The following CALN1 variants were observed in gnomAD, a reference collection of about 807,000 sequenced individuals.
CALN1 encodes calcium-binding protein 8.
CALN1 carries 17 observed loss-of-function variants against 30.6 expected under a neutral mutation model. The observed-to-expected ratio is 0.56, with a 90% CI of 0.38 to 0.83. CALN1 has a LOEUF of 0.83. CALN1 is among the 40% of genes least tolerant of loss of function. The pLI is 0.00. For missense variants in CALN1, 291 were observed against 354.9 expected, an observed-to-expected ratio of 0.82 and a Z score of 1.45; for synonymous variants, 156 against 131.4, an observed-to-expected ratio of 1.19 and a Z score of -1.28.
chr7:72,075,479 T>A (rs1387617532), intron 4 of CALN1, among the ~76,000 whole-genome samples: 1 of 152,238 alleles, frequency 6.6e-6, no homozygotes, highest in Non-Finnish European at 1.5e-5. Flanking sequence ...GGAACTTACC[T>A]AGTTTACTGT....
At chr7:72,090,760 C>T (rs372449140) in intron 4 of CALN1, among the ~76,000 whole-genome samples, 131 of 152,194 alleles carry the variant, frequency 8.6e-4, no homozygotes, top group African/African-American at 3.0e-3. Context: ...GAAGGAAATC[C>T]TTTTACTTGC....
At chr7:72,397,433 G>A (rs1806035285) in intron 2 of CALN1, among the ~76,000 whole-genome samples, 1 of 152,128 alleles carries the variant, frequency 6.6e-6, no homozygotes, top group Admixed American at 6.6e-5. Flanking sequence ...TGAGAATGTT[G>A]CCTGGTCATC....
intron 3 of CALN1, among the ~76,000 whole-genome samples, chr7:72,239,153 T>C (rs542032148): frequency 2.2e-4 from 34 of 152,220 alleles, no homozygotes; most frequent in Non-Finnish European, 4.4e-4. Flanking sequence ...TCCCAACAAT[T>C]TGGGAGGCCA....
chr7:71,873,341 G>A (rs746986071), intron 5 of CALN1, among the ~76,000 whole-genome samples: 1 of 152,034 alleles, frequency 6.6e-6, no homozygotes, highest in Admixed American at 6.6e-5. Context: ...TTCATGGTCT[G>A]TTCAGAGAGA....
chr7:72,245,661 A>C (rs1475547011), intron 3 of CALN1, among the ~76,000 whole-genome samples: 2 of 148,976 alleles, frequency 1.3e-5, no homozygotes, highest in Non-Finnish European at 1.5e-5. Context: ...TAAATAAATA[A>C]AGTTGAGTAA....
chr7:72,375,162 T>C (rs1804483106), intron 2 of CALN1, among the ~76,000 whole-genome samples: 1 of 152,196 alleles, frequency 6.6e-6, no homozygotes, highest in Non-Finnish European at 1.5e-5. Flanking sequence ...GTAGTTTGTC[T>C]AGGGCAAAAG....
At chr7:72,383,443 C>G (rs1236971062) in intron 2 of CALN1, among the ~76,000 whole-genome samples, 2 of 152,112 alleles carry the variant, frequency 1.3e-5, no homozygotes, top group East Asian at 1.9e-4. Context: ...GACTTTTTAA[C>G]TAGTGTGAGG....
At chr7:72,094,117 A>T (rs1806055179) in intron 4 of CALN1, among the ~76,000 whole-genome samples, 1 of 152,138 alleles carries the variant, frequency 6.6e-6, no homozygotes. Context: ...ATATCCCAAG[A>T]GGAAACATTC....
intron 3 of CALN1, among the ~76,000 whole-genome samples, chr7:72,145,217 T>C (rs11773728): frequency 0.18 from 27,328 of 151,912 alleles, 2,664 homozygotes; most frequent in East Asian, 0.29. Context: ...AATTGATAGA[T>C]TGCTAGCAAG....
At chr7:71,990,559 TCTC>T (rs1374669030) in intron 5 of CALN1, among the ~76,000 whole-genome samples, 1 of 151,892 alleles carries the variant, frequency 6.6e-6, no homozygotes, top group Non-Finnish European at 1.5e-5. Flanking sequence ...TTCAAGCAAT[TCTC>T]CTGCCTCAGC....
At chr7:71,821,288 T>G (rs2116319881) in intron 5 of CALN1, among the ~76,000 whole-genome samples, 2 of 152,226 alleles carry the variant, frequency 1.3e-5, no homozygotes, top group East Asian at 3.9e-4. Flanking sequence ...GAGTGTGACT[T>G]TTATCTTCAT....
At chr7:71,957,503 CTT>C (rs1352728541) in intron 5 of CALN1, among the ~76,000 whole-genome samples, 3 of 152,194 alleles carry the variant, frequency 2.0e-5, no homozygotes, top group African/African-American at 7.2e-5. Context: ...CCTTGACACT[CTT>C]TCTCTACCCC....
chr7:72,000,144 C>T (rs145339795), intron 5 of CALN1, among the ~76,000 whole-genome samples: 4 of 151,988 alleles, frequency 2.6e-5, no homozygotes, highest in Non-Finnish European at 4.4e-5. Context: ...AAACAAAAAG[C>T]TACAAAGCAG....
intron 2 of CALN1, among the ~76,000 whole-genome samples, chr7:72,309,182 C>T (rs1799868019): frequency 6.6e-6 from 1 of 152,172 alleles, no homozygotes; most frequent in South Asian, 2.1e-4. Flanking sequence ...TGGAGGGAGG[C>T]TCTACGGGAG....
chr7:71,888,462 A>T (rs1429811937), intron 5 of CALN1, among the ~76,000 whole-genome samples: 8 of 93,752 alleles, frequency 8.5e-5, no homozygotes, highest in South Asian at 6.6e-4. Flanking sequence ...ATTTTTTCTT[A>T]AAAAAAAAAA....
At chr7:72,139,644 T>C (rs553448011) in intron 3 of CALN1, among the ~76,000 whole-genome samples, 34 of 146,404 alleles carry the variant, frequency 2.3e-4, no homozygotes, top group African/African-American at 7.9e-4. Context: ...CATGCCCACC[T>C]TCTTCTAAGC....
chr7:72,088,727 AAAG>A (rs1396314001), intron 4 of CALN1, among the ~76,000 whole-genome samples: 2 of 150,486 alleles, frequency 1.3e-5, no homozygotes, highest in East Asian at 2.0e-4. Context: ...AAGAAAGAAG[AAAG>A]AAGAAGGAAG....
chr7:72,277,223 T>C (rs913757780), intron 3 of CALN1, among the ~76,000 whole-genome samples: 1 of 150,872 alleles, frequency 6.6e-6, no homozygotes, highest in Non-Finnish European at 1.5e-5. Context: ...AATTTCTGTT[T>C]TTTATGAGCC....
At position 72,024,264 on chromosome 7, in the gene CALN1, G is replaced by A. The variant is rs1410586142; in HGVS notation, c.389-495C>T. On this transcript the variant is annotated intron_variant, in intron 4 of 6. Transcript: ENST00000395275. Reference sequence around the variant, plus strand: ...CATGAAGGTGAGAAAATCCTTCTAAGAATTAATGTTCCTAGCTACGATTCT... The same window carrying A: ...CATGAAGGTGAGAAAATCCTTCTAAAAATTAATGTTCCTAGCTACGATTCT... Among the ~76,000 whole-genome samples, 3 of 152,184 alleles carry A rather than the reference G, an allele frequency of 2.0e-5. No individual in the cohort carries two copies. The East Asian group carries it at 5.8e-4, about 29-fold the overall frequency.
Sources: allele counts gnomAD v4.1 joint callset (sites outside exome capture counted in the v4.1 genomes callset), GRCh38; gene constraint gnomAD v4.1.1; transcripts MANE v1.5; gene names NCBI Gene and HGNC (gene_info 2026-07-23, HGNC 2026-07-21).